Variants in SORCS1 observed in about 807,000 individuals in gnomAD.
The protein encoded by SORCS1 is VPS10 domain-containing receptor SorCS1.
A neutral mutation model predicts 146.1 loss-of-function variants in SORCS1; 60 were observed. The observed-to-expected ratio is 0.41, with a 90% CI of 0.33 to 0.51. The LOEUF (loss-of-function observed/expected upper bound fraction) is 0.51. SORCS1 is among the 20% of genes least tolerant of loss of function. The probability of loss-of-function intolerance (pLI) is 0.21; values close to 1 mark genes in which losing one functional copy is unlikely to be tolerated. For synonymous variants in SORCS1, 637 were observed against 584.0 expected (o/e 1.09, Z -1.31); for missense variants, 1,352 against 1,487.6 (o/e 0.91, Z 1.50).
chr10:106,741,454 C>T (rs773608833), intron 5 of SORCS1, among the ~76,000 whole-genome samples: 2 of 152,070 alleles, frequency 1.3e-5, no homozygotes, highest in Non-Finnish European at 2.9e-5. Flanking sequence ...CAAAAATTAG[C>T]TGGCGTGGTG....
intron 2 of SORCS1, among the ~76,000 whole-genome samples, chr10:106,877,776 G>A (rs1009892969): frequency 2.0e-5 from 3 of 152,142 alleles, no homozygotes; most frequent in Admixed American, 6.5e-5. Context: ...ATGCAGAACC[G>A]TATTCTGGTT....
chr10:107,041,216 A>G (rs1216715743), intron 1 of SORCS1, among the ~76,000 whole-genome samples: 1 of 152,166 alleles, frequency 6.6e-6, no homozygotes, highest in Non-Finnish European at 1.5e-5. Context: ...ATATTTTACC[A>G]CATAAATTCC....
intron 1 of SORCS1, among the ~76,000 whole-genome samples, chr10:107,127,121 C>CA (rs35533219): frequency 0.29 from 44,226 of 150,590 alleles, 8,251 homozygotes; most frequent in Middle Eastern, 0.43. Context: ...TTGCATAAAA[C>CA]AAAAAAAAAT....
At chr10:107,004,341 A>C (rs1957352051) in intron 1 of SORCS1, among the ~76,000 whole-genome samples, 1 of 152,128 alleles carries the variant, frequency 6.6e-6, no homozygotes, top group Non-Finnish European at 1.5e-5. Flanking sequence ...ATGAAGACAT[A>C]CCCAAGACTG....
rs533953236 is a variant in SORCS1 at position 106,759,024 on chromosome 10, G to C, written c.959+2564C>G. 1.1e-3 allele frequency among the ~76,000 whole-genome samples: 165 copies of C among 152,300 alleles called. No individual in the cohort carries two copies. The Middle Eastern group carries it at 0.014, about 13-fold the overall frequency. On this transcript the variant is annotated intron_variant, in intron 5 of 25. Transcript: ENST00000263054. ...CAAATAGCTTGTCTAACTTTTTCAG[G>C]CAGTTTTGCTAGCTTTTTAAGAGAT...
intron 8 of SORCS1, among the ~76,000 whole-genome samples, chr10:106,703,669 AG>A (rs1332833257): frequency 1.3e-5 from 2 of 152,196 alleles, no homozygotes; most frequent in Non-Finnish European, 2.9e-5. Flanking sequence ...TGAGCATAAA[AG>A]TGCTGGTTTG....
Position 106,675,031 on chromosome 10 carries a change from T to C in SORCS1, c.1940+18A>G. ...TCTTTTCTATGAAGGCTGGACCACA[T>C]CATACTTTTCAACTTACGTCATGAT... On this transcript the variant is annotated intron_variant, in intron 14 of 25. Transcript: ENST00000263054. 6.3e-7 allele frequency: 1 copy of C among 1,586,210 alleles called. No individual in the cohort carries two copies. The highest frequency in any genetic ancestry group is 8.7e-7 in the Non-Finnish European group (1 of 1,155,676).
At chr10:106,757,427 A>C (rs2136222833) in intron 5 of SORCS1, among the ~76,000 whole-genome samples, 1 of 152,298 alleles carries the variant, frequency 6.6e-6, no homozygotes, top group South Asian at 2.1e-4. Flanking sequence ...TATCCTAGAT[A>C]GCCCCATAGT....
At chr10:106,677,513 G>T in intron 12 of SORCS1, 109 bp from the exon 13 acceptor site, 1 of 945,810 alleles carries the variant, frequency 1.1e-6, no homozygotes, top group South Asian at 1.5e-5. Context: ...GATAAAAATA[G>T]GTTTCCCTAA....
At chr10:106,807,295 A>G (rs977702014) in intron 3 of SORCS1, among the ~76,000 whole-genome samples, 1 of 152,188 alleles carries the variant, frequency 6.6e-6, no homozygotes, top group Non-Finnish European at 1.5e-5. Flanking sequence ...GTAGACAGAG[A>G]CCACATAGCA....
At chr10:106,777,661 A>T (rs1860555136) in intron 3 of SORCS1, among the ~76,000 whole-genome samples, 1 of 152,210 alleles carries the variant, frequency 6.6e-6, no homozygotes, top group Non-Finnish European at 1.5e-5. Flanking sequence ...TTTTGTCCAG[A>T]GCAATGGGAT....
In SORCS1 at chr10:106,960,221, C is replaced by T. The variant is rs1053875334; in HGVS notation, c.559-3641G>A. On this transcript the variant is annotated intron_variant, in intron 1 of 25. Coordinates refer to ENST00000263054, the MANE Select transcript of SORCS1 (RefSeq NM_052918.5). This position sits in a 1 kb window ranked among gnomAD's most constrained non-coding sequence, Gnocchi z 4.4. ...ACCTCCACCTATGCCATACCAGGAC[C>T]TCTGCATCCAGTTATTTCTGGGATT... 1.3e-4 allele frequency among the ~76,000 whole-genome samples: 20 copies of T among 152,152 alleles called. No homozygotes were observed. The highest frequency in any genetic ancestry group is 1.3e-3 in the Admixed American group (20 of 15,284).
At chr10:106,722,148 C>CACACACAT (rs1468918173) in intron 6 of SORCS1, among the ~76,000 whole-genome samples, 50 of 148,660 alleles carry the variant, frequency 3.4e-4, no homozygotes, top group African/African-American at 1.1e-3. Flanking sequence ...CACACACACA[C>CACACACAT]ATATATATAT....
chr10:106,798,369 A>G (rs1165734542), intron 3 of SORCS1, among the ~76,000 whole-genome samples: 9 of 152,132 alleles, frequency 5.9e-5, no homozygotes, highest in African/African-American at 1.7e-4. Context: ...TACATGTGTC[A>G]TGTTGGTGTG....
intron 25 of SORCS1, 54 bp from the exon 26 acceptor site, chr10:106,577,609 T>G: frequency 1.2e-6 from 2 of 1,605,520 alleles, no homozygotes; most frequent in South Asian, 2.2e-5. Context: ...AAGGGAAAGG[T>G]GTCAGAGACT....
chr10:106,724,778 T>C (rs1412398268), intron 6 of SORCS1, among the ~76,000 whole-genome samples: 1 of 152,218 alleles, frequency 6.6e-6, no homozygotes, highest in African/African-American at 2.4e-5. Context: ...CTGTGTCAAA[T>C]GTCTCAGTAT....
chr10:106,908,322 T>C (rs1464995042), intron 2 of SORCS1, among the ~76,000 whole-genome samples: 1 of 152,212 alleles, frequency 6.6e-6, no homozygotes, highest in Non-Finnish European at 1.5e-5. Context: ...TAGGAGTTTT[T>C]ACCATTGAGT....
chr10:106,910,168 T>C (rs563143371), intron 2 of SORCS1, among the ~76,000 whole-genome samples: 21 of 152,114 alleles, frequency 1.4e-4, no homozygotes, highest in Non-Finnish European at 2.9e-4. Context: ...TTAAATATAG[T>C]TGAGGTGGAA....
chr10:106,714,956 C>G (rs1855261345), intron 6 of SORCS1, among the ~76,000 whole-genome samples: 1 of 152,178 alleles, frequency 6.6e-6, no homozygotes, highest in Non-Finnish European at 1.5e-5. Context: ...GGTCTTCAAA[C>G]CACTTCTTGC....
Sources: gnomAD v4.1 joint callset for allele counts (sites outside exome capture counted in the v4.1 genomes callset) on GRCh38, gnomAD v4.1.1 for gene constraint, Gnocchi (gnomAD v3.1) non-coding constraint, MANE v1.5 for transcripts, NCBI Gene and HGNC (gene_info 2026-07-23, HGNC 2026-07-21) for gene names.